Variants in NARS2 observed in about 807,000 individuals in gnomAD.
The protein encoded by NARS2 is asparaginyl-tRNA synthetase 2, mitochondrial, also known as asparaginyl-tRNA synthetase.
Under a neutral mutation model 62.9 loss-of-function variants are expected in NARS2, and 60 were observed. That is an observed-to-expected ratio of 0.95 (90% CI 0.77 to 1.18). The LOEUF (loss-of-function observed/expected upper bound fraction) is 1.18. Ranked by LOEUF, NARS2 falls within the 50% of genes most tolerant of loss-of-function variation. NARS2 has a pLI of 0.00. For synonymous variants in NARS2, 196 were observed against 200.0 expected (o/e 0.98, Z 0.17); for missense variants, 619 against 576.4 (o/e 1.07, Z -0.76).
intron 9 of NARS2, among the ~76,000 whole-genome samples, chr11:78,476,378 C>T (rs59940785): frequency 0.02 from 3,062 of 152,270 alleles, 94 homozygotes; most frequent in African/African-American, 0.07. Context: ...GCTGGGGAAA[C>T]TGGATAGCTG....
intron 4 of NARS2, 152 bp from the exon 5 acceptor site, chr11:78,559,771 TGA>T: frequency 1.7e-6 from 1 of 573,292 alleles, no homozygotes. Context: ...GAAAATCAGT[TGA>T]GTGTTTTAAC....
chr11:78,465,204 GC>G (rs1404611440), intron 11 of NARS2, among the ~76,000 whole-genome samples: 1 of 152,054 alleles, frequency 6.6e-6, no homozygotes, highest in Non-Finnish European at 1.5e-5. Flanking sequence ...AGCAGGTGGG[GC>G]CCGCCGAGCC....
intron 4 of NARS2, among the ~76,000 whole-genome samples, chr11:78,561,159 C>T (rs934127069): frequency 2.0e-5 from 3 of 152,090 alleles, no homozygotes; most frequent in Admixed American, 2.0e-4. Context: ...CTAAACATTA[C>T]AAAAGGGCCC....
chr11:78,535,621 T>C (rs1861642191), intron 5 of NARS2, among the ~76,000 whole-genome samples: 1 of 151,838 alleles, frequency 6.6e-6, no homozygotes, highest in South Asian at 2.1e-4. Context: ...CATTCAGAGA[T>C]CCAGAAAGCT....
intron 11 of NARS2, among the ~76,000 whole-genome samples, chr11:78,462,557 AT>A (rs1362352039): frequency 1.3e-5 from 2 of 152,068 alleles, no homozygotes; most frequent in African/African-American, 4.8e-5. Context: ...CTAGAAAAAA[AT>A]ACATATATTT....
chr11:78,572,382 G>A (rs1271403427), intron 1 of NARS2, among the ~76,000 whole-genome samples: 2 of 152,212 alleles, frequency 1.3e-5, no homozygotes, highest in East Asian at 1.9e-4. Flanking sequence ...GAGATGTCAC[G>A]ATAACCTCTC....
intron 6 of NARS2, among the ~76,000 whole-genome samples, chr11:78,502,755 C>T (rs1374238779): frequency 6.6e-6 from 1 of 152,114 alleles, no homozygotes; most frequent in Non-Finnish European, 1.5e-5. Flanking sequence ...CTTTGGGAGG[C>T]CAAGGCACGT....
intron 13 of NARS2, among the ~76,000 whole-genome samples, chr11:78,437,991 A>T (rs1857462155): frequency 7.1e-6 from 1 of 140,100 alleles, no homozygotes; most frequent in African/African-American, 2.6e-5. Flanking sequence ...AAAAAAAAGA[A>T]AGAAAAAAAA....
intron 4 of NARS2, among the ~76,000 whole-genome samples, chr11:78,562,108 G>A (rs1341923851): frequency 6.6e-6 from 1 of 152,068 alleles, no homozygotes; most frequent in Non-Finnish European, 1.5e-5. Context: ...TAGCAATTTG[G>A]AGACATTCTA....
chr11:78,522,699 G>C (rs1861174566), intron 6 of NARS2, among the ~76,000 whole-genome samples: 2 of 152,134 alleles, frequency 1.3e-5, no homozygotes, highest in African/African-American at 4.8e-5. Flanking sequence ...TTGCAATTAT[G>C]GGGCAAAAAA....
At chr11:78,574,109 A>G (rs931497514) in intron 1 of NARS2, among the ~76,000 whole-genome samples, 2 of 152,206 alleles carry the variant, frequency 1.3e-5, no homozygotes, top group African/African-American at 4.8e-5. Context: ...GGTATGATTA[A>G]CAAGTTTACA....
rs34906898 is a variant in NARS2, at chr11:78,466,038, CAA to C, written c.1027-27_1027-26del. ...ACTGTAATGAGAAGAAAGAAATGACCAAAAGAGGAGACAGAGGTGAAATATAC... is the reference window on the plus strand; with the variant it reads ...ACTGTAATGAGAAGAAAGAAATGACCAAGAGGAGACAGAGGTGAAATATAC... On this transcript the variant is annotated intron_variant, in intron 10 of 13. Coordinates refer to ENST00000281038, the MANE Select transcript of NARS2 (RefSeq NM_024678.6). 18 of 1,561,984 alleles carry C rather than the reference CAA, an allele frequency of 1.2e-5. No homozygotes were observed. In the African/African-American group the frequency reaches 2.3e-4, roughly 20 times the overall value.
At chr11:78,514,005 C>A (rs573161136) in intron 6 of NARS2, among the ~76,000 whole-genome samples, 2 of 152,286 alleles carry the variant, frequency 1.3e-5, no homozygotes, top group East Asian at 3.9e-4. Context: ...CCTTTGCCTT[C>A]TTCCATGATT....
chr11:78,566,061 A>G, intron 4 of NARS2, 71 bp downstream of exon 4: 1 of 1,296,194 alleles, frequency 7.7e-7, no homozygotes, highest in East Asian at 2.4e-5. Flanking sequence ...ATCAGGAGAA[A>G]AAGACACAAC....
Position 78,559,550 on chromosome 11 carries a change from A to G in NARS2, c.583T>C (p.Phe195Leu), listed in dbSNP as rs1856485635. 1 of 1,610,248 alleles carries G rather than the reference A, an allele frequency of 6.2e-7. No homozygotes were observed. The highest frequency in any genetic ancestry group is 1.3e-5 in the African/African-American group (1 of 74,974). The change falls in exon 5 of 14, where the codon TTT becomes CTT. Residue 195 changes from phenylalanine (F) to leucine (L), a missense_variant. Phe to Leu is a conservative substitution (Grantham distance 22). Transcript: ENST00000281038. ...GAAGCAAAACTTACTTCAAGTTGAA[A>G]AAGTTCTCCAGCTCCCTCAGAGTCA... ...SNDSEGAGEL[F>L]QLEPSGKLKV...
In NARS2 at chr11:78,574,614, A is replaced by G. The variant is rs1466044055; in HGVS notation, c.-126T>C. ...GCAGCTCTGCTCTAAGGCACTCCAG[A>G]GCCCCTCGGCTGCGCGCTTTCTCCT... On this transcript the variant is annotated 5_prime_UTR_variant, in exon 1 of 14. Coordinates refer to ENST00000281038, the MANE Select transcript of NARS2 (RefSeq NM_024678.6). The G allele has an allele frequency of 2.8e-6, 3 of 1,087,146 alleles. No individual in the cohort carries two copies. Among genetic ancestry groups the G allele is most frequent in the Non-Finnish European group, 3.8e-6 (3 of 781,612 alleles). 67.3% of individuals were successfully genotyped at this position (1,087,146 alleles called of 1,614,324 possible).
At chr11:78,472,860 G>C (rs1858933973) in intron 9 of NARS2, among the ~76,000 whole-genome samples, 1 of 152,244 alleles carries the variant, frequency 6.6e-6, no homozygotes, top group African/African-American at 2.4e-5. Flanking sequence ...TGATGCCAAA[G>C]TGGTAGAGAG....
chr11:78,451,756 C>T (rs1857978878), intron 11 of NARS2, among the ~76,000 whole-genome samples: 1 of 152,176 alleles, frequency 6.6e-6, no homozygotes, highest in Admixed American at 6.5e-5. Flanking sequence ...GATAAAGTAC[C>T]ACAAATAATC....
chr11:78,563,997 G>T (rs1483761309), intron 4 of NARS2, among the ~76,000 whole-genome samples: 2 of 148,880 alleles, frequency 1.3e-5, no homozygotes, highest in Non-Finnish European at 3.0e-5. Flanking sequence ...CGCCTCCCGG[G>T]TTCAAGCAAT....
Sources: gnomAD v4.1 joint callset for allele counts (sites outside exome capture counted in the v4.1 genomes callset) on GRCh38, gnomAD v4.1.1 for gene constraint, MANE v1.5 for transcripts, NCBI Gene and HGNC (gene_info 2026-07-23, HGNC 2026-07-21) for gene names.